TOM1: variants seen among roughly 807,000 people sequenced by gnomAD.
TOM1 encodes target of Myb protein 1.
In TOM1, 38 loss-of-function variants were observed where a neutral mutation model predicts 61.3. The ratio of observed to expected loss-of-function variants is 0.62; its 90% CI spans 0.48 to 0.81. The LOEUF (loss-of-function observed/expected upper bound fraction) is 0.81, where lower values mean the gene tolerates loss of function less well. Among genes scored for constraint, TOM1 ranks in the 40% least tolerant of loss-of-function variants. The pLI is 0.00. For missense variants in TOM1, 591 were observed against 659.6 expected, an observed-to-expected ratio of 0.90 and a Z score of 1.14; for synonymous variants, 270 against 268.8, an observed-to-expected ratio of 1.00 and a Z score of -0.04.
At chr22:35,319,277 C>T (rs1424395454) in intron 2 of TOM1, among the ~76,000 whole-genome samples, 1 of 152,274 alleles carries the variant, frequency 6.6e-6, no homozygotes, top group South Asian at 2.1e-4. Context: ...GGCTCGGCGT[C>T]GGTCAGGTGC....
At chr22:35,324,706 G>A (rs1029151727) in intron 6 of TOM1, among the ~76,000 whole-genome samples, 3 of 152,028 alleles carry the variant, frequency 2.0e-5, no homozygotes, top group Non-Finnish European at 4.4e-5. Flanking sequence ...GAGCCACCAT[G>A]CCCAGCTAAT....
chr22:35,314,218 T>C (rs1268064086), intron 1 of TOM1, among the ~76,000 whole-genome samples: 1 of 39,870 alleles, frequency 2.5e-5, no homozygotes, highest in African/African-American at 4.1e-5. Context: ...TCTGGGCAGA[T>C]GTCCCACAGC....
In TOM1 at chr22:35,323,894, A is replaced by G. The variant is rs752899583; in HGVS notation, c.628A>G (p.Ile210Val). Residue 210 changes from isoleucine (I) to valine (V), a missense_variant, in exon 6 of 15, where the codon ATA becomes GTA. By Grantham distance (29) the Ile-to-Val change is conservative (BLOSUM62 3). Coordinates refer to ENST00000449058, the MANE Select transcript of TOM1 (RefSeq NM_005488.3). The surrounding 1 kb of genome is among the most constrained non-coding windows in gnomAD (Gnocchi z 4.2). ...GCCCATACTCTCCGGTGACACGCCC[A>G]TAGCACCAACCCCGGAACAGGTAAA... Reference protein sequence around the residue: ...APPILSGDTPIAPTPEQIGKL... With the variant: ...APPILSGDTPVAPTPEQIGKL... 1.3e-6 allele frequency: 2 copies of G among 1,583,494 alleles called. No homozygotes were observed. Among genetic ancestry groups the G allele is most frequent in the Non-Finnish European group, 1.7e-6 (2 of 1,163,974 alleles).
chr22:35,311,560 A>G (rs2145623438), intron 1 of TOM1, among the ~76,000 whole-genome samples: 1 of 152,340 alleles, frequency 6.6e-6, no homozygotes, highest in Middle Eastern at 3.4e-3. Flanking sequence ...TAGGCAGTGC[A>G]GAGCCTCAGT....
At chr22:35,325,605 A>G (rs931934020) in intron 6 of TOM1, among the ~76,000 whole-genome samples, 3 of 152,212 alleles carry the variant, frequency 2.0e-5, no homozygotes, top group African/African-American at 7.2e-5. Flanking sequence ...GAGCATGTTT[A>G]TGTAAAATTA....
Position 35,347,195 on chromosome 22 carries a change from C to A in TOM1, c.1465C>A (p.Leu489Met). Residue 489 changes from leucine to methionine, a missense_variant, in exon 15 of 15, where the codon CTG becomes ATG. Physicochemically the swap from Leu to Met is conservative, Grantham distance 15. Transcript: ENST00000449058. ...GACCCAGGAGAAAGATGATGACATG[C>A]TGTTTGCCTTATGAGTGTGGGGTCT... ...KKTQEKDDDMLFAL is the reference protein window; with the variant it reads ...KKTQEKDDDMMFAL The A allele has an allele frequency of 6.2e-7, 1 of 1,610,522 alleles. No homozygotes were observed. Among genetic ancestry groups the A allele is most frequent in the Non-Finnish European group, 8.5e-7 (1 of 1,178,154 alleles).
intron 1 of TOM1, among the ~76,000 whole-genome samples, chr22:35,306,169 A>AAT (rs571077919): frequency 1.4e-3 from 207 of 152,276 alleles, no homozygotes; most frequent in African/African-American, 4.8e-3. Flanking sequence ...ACTATTTAAA[A>AAT]ATATAAAGAC....
intron 2 of TOM1, among the ~76,000 whole-genome samples, chr22:35,320,028 C>G (rs539561770): frequency 6.6e-6 from 1 of 152,232 alleles, no homozygotes; most frequent in Admixed American, 6.5e-5. Context: ...GGCAGACAGC[C>G]GGATGGGTCC....
intron 1 of TOM1, among the ~76,000 whole-genome samples, chr22:35,313,038 G>A (rs1318799032): frequency 6.6e-6 from 1 of 152,142 alleles, no homozygotes; most frequent in Non-Finnish European, 1.5e-5. Flanking sequence ...CAGAAGGCTG[G>A]TGTGGAAAGG....
chr22:35,313,089 G>A (rs1926975532), intron 1 of TOM1, among the ~76,000 whole-genome samples: 1 of 152,160 alleles, frequency 6.6e-6, no homozygotes, highest in African/African-American at 2.4e-5. Context: ...GCTCACACCT[G>A]TAATCCCAGC....
intron 1 of TOM1, among the ~76,000 whole-genome samples, chr22:35,301,120 G>C (rs1039268295): frequency 6.6e-6 from 1 of 151,908 alleles, no homozygotes; most frequent in Non-Finnish European, 1.5e-5. Context: ...CCAGCCACTC[G>C]GTAGGCAGAG....
chr22:35,328,491 C>T (rs538043632), intron 7 of TOM1, among the ~76,000 whole-genome samples: 30 of 152,364 alleles, frequency 2.0e-4, no homozygotes, highest in African/African-American at 4.8e-4. Flanking sequence ...TCAGATAACA[C>T]GTCCAGGGTT....
intron 11 of TOM1, among the ~76,000 whole-genome samples, chr22:35,337,665 G>T (rs1929490427): frequency 1.3e-5 from 2 of 152,248 alleles, no homozygotes; most frequent in Admixed American, 6.5e-5. Context: ...GGTATTGCAA[G>T]AGTTAAATGT....
intron 14 of TOM1, 35 bp from the exon 15 acceptor site, chr22:35,347,020 T>G: frequency 5.6e-6 from 8 of 1,436,374 alleles, no homozygotes; most frequent in Non-Finnish European, 7.5e-6. Flanking sequence ...GGCTCTGGCC[T>G]CAGGGCCTAC....
chr22:35,324,452 G>C (rs1247205653), intron 6 of TOM1, among the ~76,000 whole-genome samples: 1 of 148,158 alleles, frequency 6.7e-6, no homozygotes, highest in Non-Finnish European at 1.5e-5. Flanking sequence ...CATTTGAAGA[G>C]AGGTTCTGCC....
intron 9 of TOM1, 75 bp downstream of exon 9, chr22:35,333,089 C>T (rs1462805123): frequency 6.7e-7 from 1 of 1,488,500 alleles, no homozygotes; most frequent in East Asian, 2.3e-5. Context: ...ACCTCCCTCC[C>T]CTAGTAAACT....
At chr22:35,343,929 TAC>T (rs1472342864) in intron 12 of TOM1, among the ~76,000 whole-genome samples, 3 of 143,424 alleles carry the variant, frequency 2.1e-5, no homozygotes, top group African/African-American at 5.3e-5. Context: ...CACACACATC[TAC>T]ACACACCACC....
intron 12 of TOM1, among the ~76,000 whole-genome samples, chr22:35,339,498 G>C (rs1030003892): frequency 2.0e-5 from 3 of 152,208 alleles, no homozygotes; most frequent in Non-Finnish European, 4.4e-5. Context: ...TAATAGAAGT[G>C]TGAGAGGATA....
rs1184030593 is a variant in TOM1 at position 35,321,730 on chromosome 22, C to G, written c.138-229C>G. ...TGCACTTTTAACAAAACGCTCTCATCTTTTCTCAAAGTGACTCTGCTGCTG... is the reference window on the plus strand; with the variant it reads ...TGCACTTTTAACAAAACGCTCTCATGTTTTCTCAAAGTGACTCTGCTGCTG... On this transcript the variant is annotated intron_variant, in intron 2 of 14. Coordinates refer to ENST00000449058, the MANE Select transcript of TOM1 (RefSeq NM_005488.3). 9.1e-6 allele frequency: 6 copies of G among 661,810 alleles called. No individual in the cohort carries two copies. The East Asian group carries it at 1.5e-4, about 17-fold the overall frequency. The allele number at this position is 661,810 out of a possible 1,614,324, so 41.0% of individuals were successfully genotyped here.
Sources: gnomAD v4.1 joint callset for allele counts (sites outside exome capture counted in the v4.1 genomes callset) on GRCh38, gnomAD v4.1.1 for gene constraint, Gnocchi (gnomAD v3.1) non-coding constraint, MANE v1.5 for transcripts, NCBI Gene and HGNC (gene_info 2026-07-23, HGNC 2026-07-21) for gene names.